Variants in ARFGEF1 observed in about 807,000 individuals in gnomAD.
The protein encoded by ARFGEF1 is ARF guanine nucleotide exchange factor 1.
Under a neutral mutation model 231.0 loss-of-function variants are expected in ARFGEF1, and 42 were observed. That is an observed-to-expected ratio of 0.18 (90% confidence interval 0.14 to 0.24). The LOEUF (loss-of-function observed/expected upper bound fraction) is 0.24, where lower values mean the gene tolerates loss of function less well. ARFGEF1 is among the 10% of genes least tolerant of loss of function. The pLI is 1.00. For synonymous variants in ARFGEF1, 710 were observed against 732.3 expected, an observed-to-expected ratio of 0.97 and a Z score of 0.49; for missense variants, 1,345 against 2,192.0, an observed-to-expected ratio of 0.61 and a Z score of 7.72.
intron 8 of ARFGEF1, among the ~76,000 whole-genome samples, chr8:67,277,035 T>C (rs1805341912): frequency 6.6e-6 from 1 of 152,086 alleles, no homozygotes. Flanking sequence ...TAGATGGGTG[T>C]GGAGAAGATG....
intron 7 of ARFGEF1, among the ~76,000 whole-genome samples, chr8:67,283,236 CCTT>C (rs577175547): frequency 4.9e-4 from 75 of 152,190 alleles, no homozygotes; most frequent in African/African-American, 1.7e-3. Flanking sequence ...TCAAGCTATT[CCTT>C]CTTTATAATT....
Position 67,328,223 on chromosome 8 carries a change from A to AT in ARFGEF1, c.124+14940dup, listed in dbSNP as rs200509924. On this transcript the variant is annotated intron_variant, in intron 1 of 38. Coordinates refer to ENST00000262215, the MANE Select transcript of ARFGEF1 (RefSeq NM_006421.5). ...ATGTACCTAGGCTGAAACTGTTATAATTTTTTTTTCCTTAAATAGCCATGG... is the reference window on the plus strand; with the variant it reads ...ATGTACCTAGGCTGAAACTGTTATAATTTTTTTTTTCCTTAAATAGCCATGG... 9.9e-5 allele frequency among the ~76,000 whole-genome samples: 15 copies of AT among 151,758 alleles called. No homozygotes were observed. The East Asian group carries it at 1.7e-3, about 18-fold the overall frequency.
chr8:67,211,551 C>G lies in ARFGEF1; in HGVS notation c.4751G>C (p.Arg1584Thr), dbSNP rs766927159. ...CGCAGAAACCAGTGGTGCTTGTGGT[C>G]TGTTATCCACAGACCTTGGTTGAAT... ...DSIQPRSVDN[R>T]PQAPLVSASA... Residue 1584 changes from arginine to threonine, a missense_variant, in exon 34 of 39, where the codon AGA becomes ACA. By Grantham distance (71) the Arg-to-Thr change is moderately conservative (BLOSUM62 -1). This residue lies in a region of ARFGEF1 where 89 missense variants were observed against 74.8 expected (regional missense o/e 1.19). Coordinates refer to ENST00000262215, the MANE Select transcript of ARFGEF1 (RefSeq NM_006421.5). The G allele has an allele frequency of 6.3e-7, 1 of 1,588,632 alleles. No individual in the cohort carries two copies. Among genetic ancestry groups the G allele is most frequent in the East Asian group, 2.3e-5 (1 of 44,162 alleles).
At chr8:67,286,374 A>C (rs2128906574) in intron 7 of ARFGEF1, among the ~76,000 whole-genome samples, 1 of 152,328 alleles carries the variant, frequency 6.6e-6, no homozygotes, top group Admixed American at 6.5e-5. Flanking sequence ...GAAAAACGAA[A>C]ACTTTCACTT....
At chr8:67,245,289 TCA>T in intron 19 of ARFGEF1, among the ~76,000 whole-genome samples, 1 of 150,490 alleles carries the variant, frequency 6.6e-6, no homozygotes, top group African/African-American at 2.5e-5. Context: ...AGTACACAAC[TCA>T]CTGGTTATAA....
intron 1 of ARFGEF1, among the ~76,000 whole-genome samples, chr8:67,340,762 C>A (rs1249172731): frequency 2.0e-5 from 3 of 152,086 alleles, no homozygotes; most frequent in Non-Finnish European, 4.4e-5. Flanking sequence ...GGTGCCTAGC[C>A]CTTCCCTGGA....
intron 7 of ARFGEF1, among the ~76,000 whole-genome samples, chr8:67,287,632 C>T (rs1805815156): frequency 6.6e-6 from 1 of 152,138 alleles, no homozygotes; most frequent in Non-Finnish European, 1.5e-5. Flanking sequence ...TATCACTTAT[C>T]CATATTTTTG....
chr8:67,292,201 C>T, intron 5 of ARFGEF1, 78 bp from the exon 6 acceptor site: 2 of 1,277,692 alleles, frequency 1.6e-6, no homozygotes, highest in Non-Finnish European at 2.2e-6. Context: ...CTCCAACAAT[C>T]CTTTCTATAA....
chr8:67,218,960 T>A (rs1839052208), intron 30 of ARFGEF1, among the ~76,000 whole-genome samples: 1 of 152,040 alleles, frequency 6.6e-6, no homozygotes, highest in South Asian at 2.1e-4. Flanking sequence ...TTCAGTTCTA[T>A]CCCCCACACA....
rs1261884494 is a variant in ARFGEF1 at position 67,282,240 on chromosome 8, T to C, written c.1028-4783A>G. ...TCAACACTGGTTAGGAATAGACAAA[T>C]AGCTCATTACAACTGTACAGAAAAC... On this transcript the variant is annotated intron_variant, in intron 7 of 38. Transcript: ENST00000262215. Among the ~76,000 whole-genome samples, 5 of 152,014 alleles carry C rather than the reference T, an allele frequency of 3.3e-5. 1 individual carries two copies. In the South Asian group the frequency reaches 6.2e-4, roughly 19 times the overall value.
chr8:67,332,163 A>G (rs1808129660), intron 1 of ARFGEF1, among the ~76,000 whole-genome samples: 1 of 152,220 alleles, frequency 6.6e-6, no homozygotes, highest in South Asian at 2.1e-4. Context: ...TGACAATTAC[A>G]CAATAAGTAC....
At chr8:67,223,044 T>C (rs1402450861) in intron 29 of ARFGEF1, among the ~76,000 whole-genome samples, 1 of 152,252 alleles carries the variant, frequency 6.6e-6, no homozygotes, top group East Asian at 1.9e-4. Context: ...AATTGCCTAC[T>C]AATGCATTGC....
chr8:67,175,288 T>C, downstream of ARFGEF1: 1 of 1,600,440 alleles, frequency 6.2e-7, no homozygotes. Flanking sequence ...ACATATTTTT[T>C]ATACCAGATT....
At chr8:67,296,313 TAAA>T in intron 5 of ARFGEF1, 115 bp downstream of exon 5, 2 of 959,474 alleles carry the variant, frequency 2.1e-6, no homozygotes, top group East Asian at 5.0e-5. Context: ...AGTGGAAATG[TAAA>T]TAAAAGACAT....
intron 5 of ARFGEF1, among the ~76,000 whole-genome samples, chr8:67,179,071 G>C (rs1756533857): frequency 6.6e-6 from 1 of 152,140 alleles, no homozygotes; most frequent in Non-Finnish European, 1.5e-5. Context: ...ACAGCTCTTT[G>C]CTGGAGTGTC....
intron 29 of ARFGEF1, among the ~76,000 whole-genome samples, chr8:67,222,136 GCCATGTTTTTACTGTACCTTTTCCATGCA>G (rs1839187373): frequency 7.0e-6 from 1 of 143,652 alleles, no homozygotes; most frequent in Non-Finnish European, 1.5e-5. Flanking sequence ...TATCTTTTAT[GCCATGTTTTTACTGTACCTTTTCCATGCA>G]TATATATATA....
downstream of ARFGEF1, among the ~76,000 whole-genome samples, chr8:67,192,885 T>A (rs1349983945): frequency 6.6e-6 from 1 of 152,218 alleles, no homozygotes; most frequent in Non-Finnish European, 1.5e-5. Context: ...CTGTCTTGAT[T>A]ATAGCTGGAC....
chr8:67,194,541 T>C (rs1837337891), downstream of ARFGEF1, among the ~76,000 whole-genome samples: 1 of 152,270 alleles, frequency 6.6e-6, no homozygotes, highest in East Asian at 1.9e-4. Context: ...AACAGGAATA[T>C]ATTTGAGGGA....
At chr8:67,335,368 G>A (rs1808296324) in intron 1 of ARFGEF1, among the ~76,000 whole-genome samples, 1 of 152,060 alleles carries the variant, frequency 6.6e-6, no homozygotes, top group African/African-American at 2.4e-5. Flanking sequence ...GCCTCCCAAA[G>A]TGCTGGGATC....
Sources: gnomAD v4.1 joint callset for allele counts (sites outside exome capture counted in the v4.1 genomes callset) on GRCh38, gnomAD v4.1.1 for gene constraint, gnomAD v4.1.1 regional missense constraint, MANE v1.5 for transcripts, NCBI Gene and HGNC (gene_info 2026-07-23, HGNC 2026-07-21) for gene names.